LMO4: variants seen among roughly 807,000 people sequenced by gnomAD.
LMO4 encodes LIM domain only 4.
Under a neutral mutation model 18.5 loss-of-function variants are expected in LMO4, and 3 were observed. The ratio of observed to expected loss-of-function variants is 0.16; its 90% CI spans 0.07 to 0.42. LMO4 has a LOEUF of 0.42. LMO4 is among the 10% of genes least tolerant of loss of function. LMO4 has a pLI of 0.99. For missense variants in LMO4, 121 were observed against 219.9 expected, an observed-to-expected ratio of 0.55 and a Z score of 2.84; for synonymous variants, 100 against 88.1, an observed-to-expected ratio of 1.14 and a Z score of -0.76.
chr1:87,339,659 T>A (rs565864513), intron 3 of LMO4, 27 bp downstream of exon 3: 349 of 1,467,546 alleles, frequency 2.4e-4, no homozygotes, highest in African/African-American at 1.6e-3. Context: ...TCTTTTTTTT[T>A]TAAAAAAAAA....
intron 4 of LMO4, 128 bp downstream of exon 4, chr1:87,340,330 T>A: frequency 2.6e-6 from 2 of 771,490 alleles, no homozygotes; most frequent in Non-Finnish European, 4.2e-6. Context: ...TGTAGATTAC[T>A]AGTTGTACAT....
chr1:87,348,721 G>A lies in LMO4; in HGVS notation c.*3925G>A, dbSNP rs771090103. 3 of 515,032 alleles carry A rather than the reference G, an allele frequency of 5.8e-6. No individual in the cohort carries two copies. In the Admixed American group the frequency reaches 5.9e-5, roughly 10 times the overall value. The allele number at this position is 515,032 out of a possible 1,614,324, so 31.9% of individuals were successfully genotyped here. ...TCAAGTGAATACTGTTTTCAGTTGT[G>A]CAAGAAGTGCTTTATGCTAGTAGAT... On this transcript the variant is annotated 3_prime_UTR_variant, in exon 5 of 5. Coordinates refer to ENST00000370544, the MANE Select transcript of LMO4 (RefSeq NM_006769.4).
At position 87,346,740 on chromosome 1, in the gene LMO4, C is replaced by G. The variant is rs1650645986; in HGVS notation, c.*1944C>G. ...TTGAGGTGAATAGTTTTGTTAGAAC[C>G]TTATAAAAATAAAATGCAAGAAAAT... On this transcript the variant is annotated 3_prime_UTR_variant, in exon 5 of 5. Coordinates refer to ENST00000370544, the MANE Select transcript of LMO4 (RefSeq NM_006769.4). 1 of 152,018 alleles carries G rather than the reference C, an allele frequency of 6.6e-6. No homozygotes were observed. The highest frequency in any genetic ancestry group is 2.4e-5 in the African/African-American group (1 of 41,378). 9.4% of individuals were successfully genotyped at this position (152,018 alleles called of 1,614,324 possible).
chr1:87,344,528 TGTA>T (rs1157729150), intron 4 of LMO4, among the ~76,000 whole-genome samples: 1 of 152,222 alleles, frequency 6.6e-6, no homozygotes. Context: ...AGCAATTAAT[TGTA>T]GTACTTTACA....
intron 1 of LMO4, among the ~76,000 whole-genome samples, chr1:87,330,321 AGTTT>A (rs1650099157): frequency 1.3e-5 from 2 of 152,200 alleles, no homozygotes; most frequent in South Asian, 4.1e-4. Context: ...TGGGGGAAAC[AGTTT>A]AAAGATCTAG....
At chr1:87,344,025 C>CT (rs1292648432) in intron 4 of LMO4, among the ~76,000 whole-genome samples, 1 of 152,196 alleles carries the variant, frequency 6.6e-6, no homozygotes, top group Non-Finnish European at 1.5e-5. Flanking sequence ...GAACTATGTT[C>CT]TTTTATCTAT....
intron 1 of LMO4, among the ~76,000 whole-genome samples, chr1:87,329,716 A>G (rs1320400855): frequency 1.3e-5 from 2 of 152,198 alleles, no homozygotes; most frequent in African/African-American, 4.8e-5. Flanking sequence ...TCTTTTAAAA[A>G]AATTCTTCTT....
chr1:87,335,571 G>A (rs867187648), intron 2 of LMO4, among the ~76,000 whole-genome samples: 18 of 152,130 alleles, frequency 1.2e-4, no homozygotes, highest in Non-Finnish European at 1.5e-4. Context: ...GCGCGGCCGG[G>A]GGTGGGGGCC....
intron 1 of LMO4, 56 bp from the exon 2 acceptor site, chr1:87,331,957 T>G: frequency 7.0e-7 from 1 of 1,423,392 alleles, no homozygotes; most frequent in Non-Finnish European, 9.8e-7. Flanking sequence ...GATTACTAAC[T>G]TTTGCATCGC....
Position 87,348,508 on chromosome 1 carries a change from C to T in LMO4, c.*3712C>T, listed in dbSNP as rs940881447. ...CATTTTAGATTGGCAGTGCTCTGAACGCATGTTAAACAGCCAGCTACTCCC... is the reference window on the plus strand; with the variant it reads ...CATTTTAGATTGGCAGTGCTCTGAATGCATGTTAAACAGCCAGCTACTCCC... On this transcript the variant is annotated 3_prime_UTR_variant, in exon 5 of 5. Coordinates refer to ENST00000370544, the MANE Select transcript of LMO4 (RefSeq NM_006769.4). The T allele has an allele frequency of 2.0e-5, 7 of 352,404 alleles. No homozygotes were observed. The highest frequency in any genetic ancestry group is 1.5e-4 in the East Asian group (2 of 13,502). 21.8% of individuals were successfully genotyped at this position (352,404 alleles called of 1,614,324 possible). A position where few individuals can be genotyped will look rare whatever the true frequency, so the allele number is the denominator to read the frequency against.
In LMO4 at chr1:87,348,686, G is replaced by C; in HGVS notation, c.*3890G>C. 1 of 501,528 alleles carries C rather than the reference G, an allele frequency of 2.0e-6. No individual in the cohort carries two copies. Among genetic ancestry groups the C allele is most frequent in the Non-Finnish European group, 4.0e-6 (1 of 250,832 alleles). The allele number at this position is 501,528 out of a possible 1,614,324, so 31.1% of individuals were successfully genotyped here. On this transcript the variant is annotated 3_prime_UTR_variant, in exon 5 of 5. Transcript: ENST00000370544. ...GGGCTGATTTTTGGAAGGTGAACTT[G>C]CAACTTACCTCAAGTGAATACTGTT...
At chr1:87,332,466 G>T (rs780553795) in intron 2 of LMO4, among the ~76,000 whole-genome samples, 12 of 152,252 alleles carry the variant, frequency 7.9e-5, no homozygotes, top group Non-Finnish European at 1.6e-4. Context: ...ACTAAGTAAA[G>T]ACCATCTGGT....
rs1374535448 is a variant in LMO4 at position 87,329,248 on chromosome 1, AGGGGGCGGGT to A, written c.-4+7_-4+16del. ...TTGCAATATAGGGGAAAAGCAGGTA[AGGGGGCGGGT>A]GGAGAGCCGCGGGCCGGGAGGTGGG... On this transcript the variant is annotated splice_donor_5th_base_variant and intron_variant, in intron 1 of 4. Transcript: ENST00000370544. 1 of 151,712 alleles carries A rather than the reference AGGGGGCGGGT, an allele frequency of 6.6e-6. No individual in the cohort carries two copies. Among genetic ancestry groups the A allele is most frequent in the Non-Finnish European group, 1.5e-5 (1 of 67,892 alleles). The allele number at this position is 151,712 out of a possible 1,614,324, so 9.4% of individuals were successfully genotyped here. A position where few individuals can be genotyped will look rare whatever the true frequency, so the allele number is the denominator to read the frequency against.
rs937916546 is a variant in LMO4 at position 87,345,036 on chromosome 1, A to C, written c.*240A>C. ...ATGGGAGACTGTAGAGAAAATGAAA[A>C]AAGATCCACCAGAGGACATCTTGGG... On this transcript the variant is annotated 3_prime_UTR_variant, in exon 5 of 5. Transcript: ENST00000370544. 2.7e-6 allele frequency: 1 copy of C among 372,806 alleles called. No homozygotes were observed. The allele number at this position is 372,806 out of a possible 1,614,324, so 23.1% of individuals were successfully genotyped here.
intron 2 of LMO4, among the ~76,000 whole-genome samples, chr1:87,337,995 A>G (rs1024243135): frequency 6.6e-6 from 1 of 152,204 alleles, no homozygotes; most frequent in Non-Finnish European, 1.5e-5. Flanking sequence ...TAGTTTTGAA[A>G]TGGAGTTTTG....
chr1:87,339,477 CTTTCTT>C lies in LMO4; in HGVS notation c.237-51_237-46del, dbSNP rs527391154. ...ATGCCCAGAGTCTGGGGGTGTTTTT[CTTTCTT>C]TTTCTTTGGTTTAGGATTATTCACT... On this transcript the variant is annotated intron_variant, in intron 2 of 4. Coordinates refer to ENST00000370544, the MANE Select transcript of LMO4 (RefSeq NM_006769.4). 3,145 of 1,285,930 alleles carry C rather than the reference CTTTCTT, an allele frequency of 2.4e-3. 18 individuals are homozygous for C. Among genetic ancestry groups the C allele is most frequent in the African/African-American group, 9.6e-3 (653 of 67,682 alleles). 79.7% of individuals were successfully genotyped at this position (1,285,930 alleles called of 1,614,324 possible).
At chr1:87,335,501 T>C (rs1413955322) in intron 2 of LMO4, among the ~76,000 whole-genome samples, 2 of 151,936 alleles carry the variant, frequency 1.3e-5, no homozygotes, top group African/African-American at 4.8e-5. Flanking sequence ...CGGGTCGCGC[T>C]TTCTTTCCCC....
At chr1:87,339,932 A>G in intron 3 of LMO4, 115 bp from the exon 4 acceptor site, 10 of 1,195,034 alleles carry the variant, frequency 8.4e-6, no homozygotes, top group African/African-American at 1.5e-5. Flanking sequence ...AAAACGCTAA[A>G]CCCTAAGTGT....
intron 3 of LMO4, 29 bp downstream of exon 3, chr1:87,339,661 A>C: frequency 8.9e-7 from 1 of 1,126,242 alleles, no homozygotes; most frequent in Non-Finnish European, 1.3e-6. Context: ...TTTTTTTTTT[A>C]AAAAAAAAAT....
Sources: gnomAD v4.1 joint callset for allele counts (sites outside exome capture counted in the v4.1 genomes callset) on GRCh38, gnomAD v4.1.1 for gene constraint, MANE v1.5 for transcripts, NCBI Gene and HGNC (gene_info 2026-07-23, HGNC 2026-07-21) for gene names.